DMD: variants seen among roughly 807,000 people sequenced by gnomAD.
DMD encodes dystrophin, also known as mutant dystrophin.
DMD carries 63 observed loss-of-function variants against 330.1 expected under a neutral mutation model. That is an observed-to-expected ratio of 0.19 (90% CI 0.16 to 0.24). The LOEUF is 0.24. Among genes scored for constraint, DMD ranks in the 10% least tolerant of loss-of-function variants. DMD has a pLI of 1.00. For synonymous variants in DMD, 1,223 were observed against 959.8 expected (o/e 1.27, Z -5.07); for missense variants, 3,344 against 2,684.1 (o/e 1.25, Z -5.43).
intron 74 of DMD, among the ~76,000 whole-genome samples, chrX:31,153,754 C>T (rs922556516): frequency 8.9e-6 from 1 of 111,997 alleles, no homozygotes; most frequent in Non-Finnish European, 1.9e-5. Flanking sequence ...TCTAAACAAA[C>T]ATATGACATA....
intron 34 of DMD, among the ~76,000 whole-genome samples, chrX:32,368,406 T>C (rs111488322): frequency 9.1e-6 from 1 of 110,042 alleles, no homozygotes; most frequent in Non-Finnish European, 1.9e-5. Context: ...GAAGGCGGAG[T>C]GTGCATGGGA....
intron 7 of DMD, among the ~76,000 whole-genome samples, chrX:32,760,646 G>T (rs1216303777): frequency 8.9e-6 from 1 of 111,862 alleles, no homozygotes; most frequent in Non-Finnish European, 1.9e-5. Flanking sequence ...GGTTGCAGGA[G>T]GGAAGAACAG....
intron 43 of DMD, among the ~76,000 whole-genome samples, chrX:32,230,907 GA>G: frequency 9.0e-6 from 1 of 111,604 alleles, no homozygotes; most frequent in East Asian, 2.8e-4. Flanking sequence ...CTGTTATTTA[GA>G]AAATATTAAG....
At chrX:31,665,316 T>C (rs1244068995) in intron 53 of DMD, among the ~76,000 whole-genome samples, 1 of 112,127 alleles carries the variant, frequency 8.9e-6, no homozygotes, top group Non-Finnish European at 1.9e-5. Flanking sequence ...GAAAAATACA[T>C]AGTTTATTTT....
At chrX:32,270,767 C>T (rs1348083277) in intron 43 of DMD, among the ~76,000 whole-genome samples, 1 of 111,615 alleles carries the variant, frequency 9.0e-6, no homozygotes, top group African/African-American at 3.3e-5. Context: ...GAATGAGACA[C>T]ATAGATCAGA....
chrX:31,511,962 T>C (rs1484073022), intron 55 of DMD, among the ~76,000 whole-genome samples: 7 of 109,332 alleles, frequency 6.4e-5, no homozygotes, highest in African/African-American at 2.3e-4. Context: ...AGTGTAGAAG[T>C]GTTCCTATTT....
intron 28 of DMD, among the ~76,000 whole-genome samples, chrX:32,439,909 C>T (rs900009361): frequency 1.8e-5 from 2 of 111,002 alleles, no homozygotes; most frequent in African/African-American, 6.5e-5. Context: ...TTGTGAGGGC[C>T]TCGTCTAAAA....
intron 9 of DMD, among the ~76,000 whole-genome samples, chrX:32,662,923 A>G (rs181212852): frequency 8.9e-6 from 1 of 112,177 alleles, no homozygotes; most frequent in Admixed American, 9.5e-5. Flanking sequence ...ACTGTCAAAA[A>G]TATTGACTGA....
chrX:31,665,001 T>G (rs1018602693), intron 53 of DMD, among the ~76,000 whole-genome samples: 2 of 111,636 alleles, frequency 1.8e-5, no homozygotes, highest in Non-Finnish European at 3.8e-5. Flanking sequence ...CTTCTTCCTT[T>G]TTGAGCAATT....
chrX:32,901,354 A>T (rs1310137840), intron 2 of DMD, among the ~76,000 whole-genome samples: 1 of 111,801 alleles, frequency 8.9e-6, no homozygotes, highest in East Asian at 2.8e-4. Context: ...TTCTTCTTTA[A>T]AAATTTCAAC....
chrX:33,113,642 T>A (rs940204937), intron 1 of DMD, among the ~76,000 whole-genome samples: 16 of 108,617 alleles, frequency 1.5e-4, no homozygotes, highest in Admixed American at 4.9e-4. Flanking sequence ...AGAGCCATTA[T>A]AATGTAATTA....
chrX:31,497,287 C>A (rs1439338207), intron 56 of DMD, among the ~76,000 whole-genome samples: 1 of 111,908 alleles, frequency 8.9e-6, no homozygotes, highest in Non-Finnish European at 1.9e-5. Context: ...AAAAACACTT[C>A]GTTTTCATGT....
At chrX:32,239,178 A>G (rs2097198993) in intron 43 of DMD, among the ~76,000 whole-genome samples, 1 of 111,329 alleles carries the variant, frequency 9.0e-6, no homozygotes, top group Non-Finnish European at 1.9e-5. Context: ...TACATTGTCA[A>G]ACGTCCTCTG....
intron 49 of DMD, among the ~76,000 whole-genome samples, chrX:31,832,660 G>A (rs192795379): frequency 7.5e-4 from 84 of 112,326 alleles, no homozygotes; most frequent in Non-Finnish European, 1.3e-3. Context: ...TTCAAGAGCA[G>A]TAAGTAAAAC....
intron 44 of DMD, among the ~76,000 whole-genome samples, chrX:32,120,377 T>G (rs973244086): frequency 8.9e-6 from 1 of 111,902 alleles, no homozygotes; most frequent in Non-Finnish European, 1.9e-5. Context: ...CCTAGCAATC[T>G]GTGGTATAGC....
At chrX:32,641,407 CGTATATATAT>C (rs1302624860) in intron 11 of DMD, 1,283 of 63,212 alleles carry the variant, frequency 0.02, 21 homozygotes, top group African/African-American at 0.075. Flanking sequence ...GTATTTTATA[CGTATATATAT>C]ATATATATAT....
chrX:33,110,744 A>G (rs1383908906), intron 1 of DMD, among the ~76,000 whole-genome samples: 7 of 110,826 alleles, frequency 6.3e-5, no homozygotes, highest in Non-Finnish European at 1.3e-4. Context: ...GTATGGCTTC[A>G]AGGGCAGAGT....
chrX:31,144,940 C>G (rs1310735287), intron 76 of DMD, among the ~76,000 whole-genome samples: 1 of 111,828 alleles, frequency 8.9e-6, no homozygotes, highest in Non-Finnish European at 1.9e-5. Flanking sequence ...ATGCCCTACT[C>G]TTGTTTTGAC....
At chrX:32,366,397 T>C (rs1370269967) in intron 34 of DMD, among the ~76,000 whole-genome samples, 2 of 112,147 alleles carry the variant, frequency 1.8e-5, no homozygotes, top group African/African-American at 3.2e-5. Flanking sequence ...GAGACTGTGA[T>C]TGGCACTCGA....
Sources: gnomAD v4.1 joint callset for allele counts (sites outside exome capture counted in the v4.1 genomes callset) on GRCh38, gnomAD v4.1.1 for gene constraint, MANE v1.5 for transcripts, NCBI Gene and HGNC (gene_info 2026-07-23, HGNC 2026-07-21) for gene names.